Variants in CDKAL1 observed in about 807,000 individuals in gnomAD.
CDKAL1 encodes the protein CDKAL1 threonylcarbamoyladenosine tRNA methylthiotransferase, also known as threonylcarbamoyladenosine tRNA methylthiotransferase.
A neutral mutation model predicts 68.2 loss-of-function variants in CDKAL1; 32 were observed. The ratio of observed to expected loss-of-function variants is 0.47; its 90% confidence interval spans 0.35 to 0.63. The LOEUF (loss-of-function observed/expected upper bound fraction) is 0.63, where lower values mean the gene tolerates loss of function less well. Ranked by LOEUF, CDKAL1 falls within the 30% of genes least tolerant of loss-of-function variation. The pLI is 0.00. For synonymous variants in CDKAL1, 234 were observed against 244.3 expected (o/e 0.96, Z 0.39); for missense variants, 606 against 696.7 (o/e 0.87, Z 1.47).
At chr6:20,546,134 G>A (rs558329294) in intron 2 of CDKAL1, among the ~76,000 whole-genome samples, 1 of 151,752 alleles carries the variant, frequency 6.6e-6, no homozygotes, top group South Asian at 2.1e-4. Context: ...TTGTCATTAG[G>A]GTTTTGTCTG....
chr6:20,902,098 T>C (rs544288684), intron 9 of CDKAL1, among the ~76,000 whole-genome samples: 48 of 152,314 alleles, frequency 3.2e-4, no homozygotes, highest in African/African-American at 9.4e-4. Flanking sequence ...CTTCTAACAC[T>C]GTGGATTATT....
chr6:20,944,655 ATTGT>A (rs1764150014), intron 9 of CDKAL1, among the ~76,000 whole-genome samples: 1 of 152,170 alleles, frequency 6.6e-6, no homozygotes, highest in Admixed American at 6.5e-5. Flanking sequence ...TGTCCTTTTA[ATTGT>A]TTGTTATCAT....
chr6:20,800,936 G>A (rs1374537064), intron 8 of CDKAL1, among the ~76,000 whole-genome samples: 3 of 151,258 alleles, frequency 2.0e-5, no homozygotes, highest in African/African-American at 7.3e-5. Context: ...CTTTTTTGGG[G>A]TAAACAGGTC....
At chr6:20,782,499 T>C (rs1775474177) in intron 8 of CDKAL1, among the ~76,000 whole-genome samples, 1 of 152,204 alleles carries the variant, frequency 6.6e-6, no homozygotes, top group Non-Finnish European at 1.5e-5. Context: ...CAGTTCTTTT[T>C]TCCCCTTCAT....
intron 15 of CDKAL1, among the ~76,000 whole-genome samples, chr6:21,214,955 C>T (rs1188493709): frequency 3.3e-5 from 5 of 152,138 alleles, no homozygotes; most frequent in Non-Finnish European, 1.5e-5. Context: ...AAAAGGACTG[C>T]AAGACCAAAA....
At chr6:21,160,866 GC>G (rs781602280) in intron 13 of CDKAL1, among the ~76,000 whole-genome samples, 1 of 151,148 alleles carries the variant, frequency 6.6e-6, no homozygotes, top group Admixed American at 6.6e-5. Flanking sequence ...CCCTCCCCTT[GC>G]CCCCCACTCT....
chr6:21,015,396 A>C (rs1369187742), intron 11 of CDKAL1, among the ~76,000 whole-genome samples: 1 of 152,192 alleles, frequency 6.6e-6, no homozygotes, highest in Non-Finnish European at 1.5e-5. Context: ...CCAAGCATCG[A>C]CTTTTTTATA....
chr6:20,824,436 T>G (rs1309330621), intron 8 of CDKAL1, among the ~76,000 whole-genome samples: 3 of 152,142 alleles, frequency 2.0e-5, no homozygotes, highest in Non-Finnish European at 2.9e-5. Flanking sequence ...GAGTCTTACC[T>G]GAAGGCTTGA....
At chr6:20,722,782 GCTGCC>G (rs1430002988) in intron 5 of CDKAL1, among the ~76,000 whole-genome samples, 1 of 151,888 alleles carries the variant, frequency 6.6e-6, no homozygotes, top group African/African-American at 2.4e-5. Context: ...CTACCTATGG[GCTGCC>G]CTGCCCCCAT....
At chr6:21,018,898 C>T (rs72834347) in intron 11 of CDKAL1, among the ~76,000 whole-genome samples, 1 of 152,120 alleles carries the variant, frequency 6.6e-6, no homozygotes, top group Non-Finnish European at 1.5e-5. Flanking sequence ...ATATACATGG[C>T]CCACCTTGTT....
At chr6:21,150,517 G>C (rs532750824) in intron 13 of CDKAL1, among the ~76,000 whole-genome samples, 2 of 152,230 alleles carry the variant, frequency 1.3e-5, no homozygotes, top group East Asian at 1.9e-4. Flanking sequence ...CCTAGTTGGG[G>C]CAATGAAGGC....
chr6:21,024,269 T>C (rs919309662), intron 11 of CDKAL1, among the ~76,000 whole-genome samples: 4 of 152,338 alleles, frequency 2.6e-5, no homozygotes, highest in African/African-American at 9.6e-5. Flanking sequence ...TGTTGACCTA[T>C]TAATAGAATT....
intron 13 of CDKAL1, among the ~76,000 whole-genome samples, chr6:21,161,830 A>G (rs1043382722): frequency 5.3e-5 from 8 of 152,226 alleles, no homozygotes; most frequent in Non-Finnish European, 1.0e-4. Flanking sequence ...TTCAGATTTT[A>G]AATCTCAAAG....
chr6:20,965,435 GGGGAGGGGGA>G (rs1363074045), intron 10 of CDKAL1, among the ~76,000 whole-genome samples: 8 of 147,044 alleles, frequency 5.4e-5, no homozygotes, highest in Admixed American at 1.3e-4. Flanking sequence ...GGGGAGGGGA[GGGGAGGGGGA>G]ACATTATAAT....
chr6:20,561,574 C>T (rs543439165), intron 4 of CDKAL1, among the ~76,000 whole-genome samples: 37 of 151,230 alleles, frequency 2.4e-4, no homozygotes, highest in African/African-American at 8.5e-4. Context: ...TCTTAGCATC[C>T]TTATTAAATG....
rs756883799 is a variant in CDKAL1 at position 20,616,839 on chromosome 6, C to CCACACACACACACACACACA, written c.287-32430_287-32411dup. ...ACAGCATGGCGAAACCCCGACTCTACCACACACACACACACACACACACAC... is the reference window on the plus strand; with the variant it reads ...ACAGCATGGCGAAACCCCGACTCTACCACACACACACACACACACACACACACACACACACACACACACAC... On this transcript the variant is annotated intron_variant, in intron 4 of 15. Coordinates refer to ENST00000274695, the MANE Select transcript of CDKAL1 (RefSeq NM_017774.3). 2.3e-3 allele frequency among the ~76,000 whole-genome samples: 275 copies of CCACACACACACACACACACA among 121,392 alleles called. 3 individuals carry two copies. The highest frequency in any genetic ancestry group is 5.4e-3 in the African/African-American group (168 of 31,270). 79.6% of individuals were successfully genotyped at this position (121,392 alleles called of 152,430 possible).
intron 4 of CDKAL1, among the ~76,000 whole-genome samples, chr6:20,554,533 A>G (rs1185282802): frequency 1.3e-5 from 2 of 152,230 alleles, no homozygotes; most frequent in Non-Finnish European, 2.9e-5. Flanking sequence ...AATATGTGCT[A>G]TGATGTTGCA....
chr6:20,713,755 G>A (rs1771955968), intron 5 of CDKAL1, among the ~76,000 whole-genome samples: 1 of 151,940 alleles, frequency 6.6e-6, no homozygotes, highest in Middle Eastern at 3.4e-3. Flanking sequence ...CTTAACAATT[G>A]ACATAGAAAA....
intron 11 of CDKAL1, among the ~76,000 whole-genome samples, chr6:21,022,382 G>A (rs1485660857): frequency 1.3e-5 from 2 of 152,118 alleles, no homozygotes; most frequent in East Asian, 1.9e-4. Context: ...TCTTCAAAAC[G>A]CTCATGGATT....
Sources: gnomAD v4.1 joint callset for allele counts (sites outside exome capture counted in the v4.1 genomes callset) on GRCh38, gnomAD v4.1.1 for gene constraint, MANE v1.5 for transcripts, NCBI Gene and HGNC (gene_info 2026-07-23, HGNC 2026-07-21) for gene names.